TNRC18: variants seen among roughly 807,000 people sequenced by gnomAD.
TNRC18 encodes the protein trinucleotide repeat-containing gene 18 protein.
In TNRC18, 69 loss-of-function variants were observed where a neutral mutation model predicts 226.7. That is an observed-to-expected ratio of 0.30 (90% CI 0.25 to 0.37). The LOEUF is 0.37. Among genes scored for constraint, TNRC18 ranks in the 10% least tolerant of loss-of-function variants. The probability of loss-of-function intolerance (pLI) is 1.00; values close to 1 mark genes in which losing one functional copy is unlikely to be tolerated. For missense variants in TNRC18, 4,754 were observed against 4,256.6 expected (o/e 1.12, Z -3.25); for synonymous variants, 2,449 against 1,927.6 (o/e 1.27, Z -7.09).
chr7:5,388,501 G>C lies in TNRC18; in HGVS notation c.1323C>G (p.Pro441=). The C allele has an allele frequency of 7.5e-7, 1 of 1,337,520 alleles. No individual in the cohort carries two copies. The highest frequency in any genetic ancestry group is 9.5e-7 in the Non-Finnish European group (1 of 1,049,558). 82.9% of individuals were successfully genotyped at this position (1,337,520 alleles called of 1,614,324 possible). A position where few individuals can be genotyped will look rare whatever the true frequency, so the allele number is the denominator to read the frequency against. ...SVIRSLKRPP[P]ADAPTVRATR... ...TGGCCCGCACCGTGGGGGCATCCGCGGGGGGCGGCCGCTTGAGCGAGCGGA... is the reference window on the plus strand; with the variant it reads ...TGGCCCGCACCGTGGGGGCATCCGCCGGGGGCGGCCGCTTGAGCGAGCGGA... The change falls in exon 5 of 30, where the codon CCC becomes CCG. Residue 441 remains proline, a synonymous_variant. Coordinates refer to ENST00000430969, the MANE Select transcript of TNRC18 (RefSeq NM_001080495.3).
chr7:5,412,119 G>T (rs1184947616), intron 2 of TNRC18, among the ~76,000 whole-genome samples: 3 of 151,990 alleles, frequency 2.0e-5, no homozygotes, highest in Non-Finnish European at 4.4e-5. Flanking sequence ...AGCCCAGGAG[G>T]TTGAGGCTGT....
chr7:5,337,523 C>T (rs1308334501), intron 18 of TNRC18, among the ~76,000 whole-genome samples: 2 of 150,688 alleles, frequency 1.3e-5, no homozygotes, highest in Non-Finnish European at 3.0e-5. Context: ...TCACCAGCAG[C>T]TCTACAAGGC....
intron 11 of TNRC18, among the ~76,000 whole-genome samples, chr7:5,368,227 G>T (rs1006974948): frequency 2.0e-5 from 3 of 151,534 alleles, no homozygotes; most frequent in Non-Finnish European, 4.4e-5. Context: ...AGCAATTTGG[G>T]AGTCCAAGGT....
At chr7:5,351,254 G>C (rs1791779862) in intron 17 of TNRC18, among the ~76,000 whole-genome samples, 1 of 151,880 alleles carries the variant, frequency 6.6e-6, no homozygotes, top group African/African-American at 2.4e-5. Context: ...CTAATGTCTA[G>C]TAAGGACACA....
intron 24 of TNRC18, among the ~76,000 whole-genome samples, chr7:5,318,710 T>G (rs1432448253): frequency 4.6e-5 from 7 of 152,190 alleles, no homozygotes; most frequent in Admixed American, 4.6e-4. Flanking sequence ...GGAATCACAA[T>G]GTTGAATGTC....
In TNRC18 at chr7:5,388,549, GCCCTCGGGC is replaced by G; in HGVS notation, c.1266_1274del (p.Pro423_Gly425del). On this transcript the variant is annotated inframe_deletion, in exon 5 of 30. Coordinates refer to ENST00000430969, the MANE Select transcript of TNRC18 (RefSeq NM_001080495.3). ...GGATGACCGAGTTCTTCTCGCGCAGGCCCTCGGGCCGGTCCAGAGGCCGCGGGGAGCCGG... is the reference window on the plus strand; with the variant it reads ...GGATGACCGAGTTCTTCTCGCGCAGGCGGTCCAGAGGCCGCGGGGAGCCGG... 7.6e-7 allele frequency: 1 copy of G among 1,307,686 alleles called. No homozygotes were observed. The highest frequency in any genetic ancestry group is 3.6e-5 in the East Asian group (1 of 27,958). The allele number at this position is 1,307,686 out of a possible 1,614,324, so 81.0% of individuals were successfully genotyped here.
intron 18 of TNRC18, among the ~76,000 whole-genome samples, chr7:5,339,810 T>C (rs905281731): frequency 2.6e-5 from 4 of 151,328 alleles, no homozygotes; most frequent in African/African-American, 9.7e-5. Context: ...CCTCAAGTGA[T>C]CCGCCCACCT....
Position 5,388,870 on chromosome 7 carries a change from C to G in TNRC18, c.954G>C (p.Leu318=). The change falls in exon 5 of 30, where the codon CTG becomes CTC. Residue 318 remains leucine (L), a synonymous_variant. Coordinates refer to ENST00000430969, the MANE Select transcript of TNRC18 (RefSeq NM_001080495.3). ...CAGGGAGCAGGGTCTCCGTGCGCCG[C>G]AGCAGCCGCGCGCCCTCGTCCTGCC... ...AARQDEGARL[L]RRTETLLPGP... is the part of the protein sequence containing the mutation. 1 of 1,296,850 alleles carries G rather than the reference C, an allele frequency of 7.7e-7. No individual in the cohort carries two copies. The highest frequency in any genetic ancestry group is 9.8e-7 in the Non-Finnish European group (1 of 1,018,404). The allele number at this position is 1,296,850 out of a possible 1,614,324, so 80.3% of individuals were successfully genotyped here.
In TNRC18 at chr7:5,389,152, G is replaced by A; in HGVS notation, c.672C>T (p.Asp224=). 7.5e-7 allele frequency: 1 copy of A among 1,327,660 alleles called. No individual in the cohort carries two copies. Among genetic ancestry groups the A allele is most frequent in the South Asian group, 1.7e-5 (1 of 59,046 alleles). The allele number at this position is 1,327,660 out of a possible 1,614,324, so 82.2% of individuals were successfully genotyped here. A position where few individuals can be genotyped will look rare whatever the true frequency, so the allele number is the denominator to read the frequency against. Residue 224 remains aspartate, a synonymous_variant, in exon 5 of 30, where the codon GAC becomes GAT. Transcript: ENST00000430969. The part of the protein sequence containing the change: ...GEPPPLFGKK[D]PRARGEEASG... ...AGGCCTCCTCGCCCCGGGCGCGCGG[G>A]TCCTTCTTGCCGAAAAGCGGAGGCG...
At chr7:5,356,278 G>T (rs1467011726) in intron 16 of TNRC18, among the ~76,000 whole-genome samples, 4 of 151,204 alleles carry the variant, frequency 2.6e-5, no homozygotes, top group Non-Finnish European at 4.4e-5. Context: ...TCGCCTCTCC[G>T]CACCCGAGCG....
intron 12 of TNRC18, 22 bp downstream of exon 12, chr7:5,362,628 G>A (rs776600954): frequency 6.8e-5 from 104 of 1,534,614 alleles, no homozygotes; most frequent in Non-Finnish European, 9.0e-5. Flanking sequence ...GGACCCCAGG[G>A]AGGAAGCAGC....
intron 25 of TNRC18, among the ~76,000 whole-genome samples, chr7:5,315,400 T>C (rs1453574424): frequency 6.8e-6 from 1 of 147,620 alleles, no homozygotes; most frequent in East Asian, 2.0e-4. Context: ...TGGATAAAGA[T>C]GCTGACTTTT....
chr7:5,327,753 ACAT>A (rs1789084893), intron 19 of TNRC18, among the ~76,000 whole-genome samples: 1 of 151,592 alleles, frequency 6.6e-6, no homozygotes, highest in Non-Finnish European at 1.5e-5. Context: ...TGTAAAAAAA[ACAT>A]AAAGTAAATA....
intron 17 of TNRC18, among the ~76,000 whole-genome samples, chr7:5,350,943 A>C (rs1791737284): frequency 6.6e-6 from 1 of 152,234 alleles, no homozygotes; most frequent in Admixed American, 6.5e-5. Flanking sequence ...CGCACCCTTC[A>C]AAACAGAAAT....
At chr7:5,375,567 C>G (rs1471740701) in intron 9 of TNRC18, among the ~76,000 whole-genome samples, 1 of 152,164 alleles carries the variant, frequency 6.6e-6, no homozygotes, top group African/African-American at 2.4e-5. Context: ...ACTACCTGGG[C>G]CGACTCCTCC....
chr7:5,421,933 T>C (rs1471427556), intron 1 of TNRC18, among the ~76,000 whole-genome samples: 1 of 152,208 alleles, frequency 6.6e-6, no homozygotes, highest in Non-Finnish European at 1.5e-5. Flanking sequence ...CACTATCTGA[T>C]CCGCAAAGTT....
At position 5,374,186 on chromosome 7, in the gene TNRC18, C is replaced by A. The variant is rs1264368343; in HGVS notation, c.3098G>T (p.Ser1033Ile). The A allele has an allele frequency of 2.9e-6, 1 of 349,752 alleles. No homozygotes were observed. The highest frequency in any genetic ancestry group is 3.4e-6 in the Non-Finnish European group (1 of 297,622). 21.7% of individuals were successfully genotyped at this position (349,752 alleles called of 1,614,324 possible). The change falls in exon 10 of 30, where the codon AGC (serine) becomes ATC (isoleucine). Residue 1033 changes from serine (S) to isoleucine (I), a missense_variant. By Grantham distance (142) the Ser-to-Ile change is moderately radical. Coordinates refer to ENST00000430969, the MANE Select transcript of TNRC18 (RefSeq NM_001080495.3). The stretch of plus-strand genomic sequence containing the variant: ...GGGCGGTGGGGAGGCGGGCGGCGGG[C>A]TGGTGGGGTGGGAGCTGGGGGTGGC... ...YPATPSSHPTSPPPASPPPTP... is the reference protein window; with the variant it reads ...YPATPSSHPTIPPPASPPPTP...
chr7:5,415,578 G>C (rs888272742), intron 2 of TNRC18, among the ~76,000 whole-genome samples: 1 of 150,552 alleles, frequency 6.6e-6, no homozygotes, highest in Non-Finnish European at 1.5e-5. Context: ...ATGCTGTTTC[G>C]CCATGTTGGC....
intron 2 of TNRC18, among the ~76,000 whole-genome samples, chr7:5,399,211 G>A (rs1396734055): frequency 1.3e-5 from 2 of 152,108 alleles, no homozygotes; most frequent in African/African-American, 4.8e-5. Flanking sequence ...GTGCCAGGGG[G>A]CACTGAGTTA....
Sources: gnomAD v4.1 joint callset for allele counts (sites outside exome capture counted in the v4.1 genomes callset) on GRCh38, gnomAD v4.1.1 for gene constraint, MANE v1.5 for transcripts, NCBI Gene and HGNC (gene_info 2026-07-23, HGNC 2026-07-21) for gene names.